Variants in MANBA observed in about 807,000 individuals in gnomAD.
The protein encoded by MANBA is mannosidase beta.
MANBA carries 83 observed loss-of-function variants against 111.1 expected under a neutral mutation model. The observed-to-expected ratio is 0.75, with a 90% CI of 0.63 to 0.90. MANBA has a LOEUF of 0.90. MANBA is among the 40% of genes least tolerant of loss of function. The pLI, the probability that MANBA is intolerant of heterozygous loss-of-function variation, is 0.00. For missense variants in MANBA, 1,036 were observed against 1,069.0 expected, an observed-to-expected ratio of 0.97 and a Z score of 0.43; for synonymous variants, 370 against 378.7, an observed-to-expected ratio of 0.98 and a Z score of 0.27.
At chr4:102,738,902 A>G (rs764036483) in intron 1 of MANBA, among the ~76,000 whole-genome samples, 1 of 152,236 alleles carries the variant, frequency 6.6e-6, no homozygotes, top group Non-Finnish European at 1.5e-5. Context: ...GATATCATAA[A>G]GAAAAAACAA....
chr4:102,727,502 C>T, intron 1 of MANBA: 1 of 1,544,578 alleles, frequency 6.5e-7, no homozygotes, highest in African/African-American at 1.4e-5. Context: ...AGTCTTCTCA[C>T]ATCATTATTG....
At chr4:102,637,233 T>G (rs1469784177) in intron 14 of MANBA, among the ~76,000 whole-genome samples, 1 of 152,194 alleles carries the variant, frequency 6.6e-6, no homozygotes, top group Admixed American at 6.5e-5. Flanking sequence ...AGCTCACAAC[T>G]ACCATAGCCC....
At chr4:102,632,938 G>A (rs554074904) in intron 16 of MANBA, among the ~76,000 whole-genome samples, 1 of 152,286 alleles carries the variant, frequency 6.6e-6, no homozygotes, top group African/African-American at 2.4e-5. Context: ...AGAGTGGGAG[G>A]GTTTGCAAAC....
chr4:102,728,999 C>G, intron 1 of MANBA: 1 of 955,188 alleles, frequency 1.0e-6, no homozygotes, highest in Non-Finnish European at 1.7e-6. Context: ...CAGCAGCTTC[C>G]TGTAGGTGGC....
chr4:102,654,148 G>A (rs1055905699), intron 12 of MANBA, among the ~76,000 whole-genome samples: 8 of 152,024 alleles, frequency 5.3e-5, no homozygotes, highest in African/African-American at 9.7e-5. Flanking sequence ...GAATGAGTAC[G>A]TGGTACACAG....
At chr4:102,696,238 G>C (rs1047504766) in intron 5 of MANBA, among the ~76,000 whole-genome samples, 12 of 152,064 alleles carry the variant, frequency 7.9e-5, no homozygotes, top group African/African-American at 2.7e-4. Context: ...AGTAAAAAAA[G>C]AAAGGACACT....
rs1732008945 is a variant in MANBA at position 102,682,074 on chromosome 4, G to C, written c.960+7500C>G. Among the ~76,000 whole-genome samples, 3 of 150,726 alleles carry C rather than the reference G, an allele frequency of 2.0e-5. No individual in the cohort carries two copies. In the South Asian group the frequency reaches 6.3e-4, roughly 32 times the overall value. The stretch of plus-strand genomic sequence containing the variant: ...AGGCAGAATAATCGCTTGAACCTGG[G>C]AGGCAGAAGTTGCAGTGAGCCGAGA... On this transcript the variant is annotated intron_variant, in intron 7 of 16. Transcript: ENST00000647097.
At chr4:102,657,222 TG>T (rs1553944231) in intron 12 of MANBA, among the ~76,000 whole-genome samples, 692 of 52,198 alleles carry the variant, frequency 0.013, 14 homozygotes, top group African/African-American at 0.043. Flanking sequence ...AGGAGTGGGG[TG>T]GGGGGGGGGT....
rs745458330 is a variant in MANBA, at chr4:102,635,867, T to G, written c.2155A>C (p.Ser719Arg). ...DLHSDYSMTL[S>R]VRVHTWSSLE... Reference sequence around the variant, plus strand: ...AGAAAACAATCCAAGTAACTTACACTGAGTGTCATCGAATAATCCGAGTGA... The same window carrying G: ...AGAAAACAATCCAAGTAACTTACACGGAGTGTCATCGAATAATCCGAGTGA... The change falls in exon 15 of 17, where the codon AGT (serine) becomes CGT (arginine). Residue 719 changes from serine (S) to arginine (R), a missense_variant and splice_region_variant. By Grantham distance (110) the Ser-to-Arg change is moderately radical. Coordinates refer to ENST00000647097, the MANE Select transcript of MANBA (RefSeq NM_005908.4). The G allele has an allele frequency of 6.2e-7, 1 of 1,611,586 alleles. No individual in the cohort carries two copies. Among genetic ancestry groups the G allele is most frequent in the South Asian group, 1.1e-5 (1 of 91,030 alleles).
intron 1 of MANBA, chr4:102,734,210 G>A: frequency 1.5e-6 from 1 of 655,904 alleles, no homozygotes. Context: ...GGAGGTAGGA[G>A]GTTATGTGAG....
chr4:102,658,145 C>G (rs1341717734), intron 11 of MANBA, among the ~76,000 whole-genome samples: 1 of 152,182 alleles, frequency 6.6e-6, no homozygotes, highest in African/African-American at 2.4e-5. Flanking sequence ...TTAATCTTTT[C>G]AATCATGTTT....
At chr4:102,678,548 C>T (rs971186866) in intron 7 of MANBA, among the ~76,000 whole-genome samples, 1 of 151,964 alleles carries the variant, frequency 6.6e-6, no homozygotes, top group Non-Finnish European at 1.5e-5. Context: ...AAATTATTGT[C>T]TAACAGTAGG....
Position 102,760,819 on chromosome 4 carries a change from G to C in MANBA, c.76C>G (p.Arg26Gly). 6.4e-7 allele frequency: 1 copy of C among 1,565,686 alleles called. No individual in the cohort carries two copies. The highest frequency in any genetic ancestry group is 8.7e-7 in the Non-Finnish European group (1 of 1,155,312). Residue 26 changes from arginine (R) to glycine (G), a missense_variant, in exon 1 of 17, where the codon CGT becomes GGT. Transcript: ENST00000647097. ...TTAAELSYSL[R>G]GNWSICNGNG... ...CCATTGCAGATGCTCCAGTTGCCAC[G>C]CAAGCTGTAACTGAGCTCCGCGGCG... is the stretch of plus-strand genomic sequence containing the variant.
intron 1 of MANBA, among the ~76,000 whole-genome samples, chr4:102,739,084 G>A (rs1319074800): frequency 6.6e-6 from 1 of 151,962 alleles, no homozygotes. Flanking sequence ...GAAGAGAGAA[G>A]ATACAAATAA....
intron 1 of MANBA, chr4:102,729,580 T>C: frequency 1.1e-6 from 1 of 894,300 alleles, no homozygotes; most frequent in Non-Finnish European, 1.9e-6. Flanking sequence ...ATCCACATCC[T>C]CTTGATGAGG....
At chr4:102,664,629 C>G in intron 11 of MANBA, 56 bp downstream of exon 11, 1 of 1,505,530 alleles carries the variant, frequency 6.6e-7, no homozygotes, top group Non-Finnish European at 9.2e-7. Context: ...TGAGCCACCA[C>G]GCCCAGCCCT....
intron 1 of MANBA, among the ~76,000 whole-genome samples, chr4:102,737,586 C>T (rs1723262630): frequency 6.6e-6 from 1 of 152,092 alleles, no homozygotes; most frequent in Non-Finnish European, 1.5e-5. Context: ...GGGTTCACAC[C>T]ATTCTCCTGC....
intron 8 of MANBA, among the ~76,000 whole-genome samples, chr4:102,673,071 A>G (rs1731562905): frequency 6.6e-6 from 1 of 152,150 alleles, no homozygotes; most frequent in Non-Finnish European, 1.5e-5. Context: ...TCTCTTGCAT[A>G]TCTGCTACAT....
At chr4:102,695,110 T>C (rs1477164116) in intron 5 of MANBA, among the ~76,000 whole-genome samples, 2 of 152,182 alleles carry the variant, frequency 1.3e-5, no homozygotes, top group Admixed American at 6.5e-5. Flanking sequence ...GATTAATGTA[T>C]ACTGCTCCTT....
Sources: gnomAD v4.1 joint callset for allele counts (sites outside exome capture counted in the v4.1 genomes callset) on GRCh38, gnomAD v4.1.1 for gene constraint, MANE v1.5 for transcripts, NCBI Gene and HGNC (gene_info 2026-07-23, HGNC 2026-07-21) for gene names.